The following JCAD variants were observed in gnomAD, a reference collection of about 807,000 sequenced individuals.
JCAD encodes junctional cadherin 5-associated protein.
Under a neutral mutation model 98.0 loss-of-function variants are expected in JCAD, and 40 were observed. That is an observed-to-expected ratio of 0.41 (90% CI 0.32 to 0.53). The LOEUF (loss-of-function observed/expected upper bound fraction) is 0.53, where lower values mean the gene tolerates loss of function less well. Among genes scored for constraint, JCAD ranks in the 20% least tolerant of loss-of-function variants. The pLI is 0.31. For synonymous variants in JCAD, 691 were observed against 682.3 expected, an observed-to-expected ratio of 1.01 and a Z score of -0.20; for missense variants, 1,705 against 1,738.1, an observed-to-expected ratio of 0.98 and a Z score of 0.34.
At chr10:30,097,580 T>C (rs1033429721) in intron 1 of JCAD, among the ~76,000 whole-genome samples, 2 of 152,014 alleles carry the variant, frequency 1.3e-5, no homozygotes, top group Admixed American at 6.6e-5. Context: ...AAACCCTGCA[T>C]CTACTAAAAA....
In JCAD at chr10:30,105,713, T is replaced by G. The variant is rs977309958; in HGVS notation, n.128+9654A>C. On this transcript the variant is annotated intron_variant and non_coding_transcript_variant, in intron 1 of 2. Transcript: ENST00000465712. ...AATTTTCATATTAGTTTCAGAAAAT[T>G]AAGAATCAGAAAAATAAGGCTATTG... Among the ~76,000 whole-genome samples the G allele has an allele frequency of 5.9e-5, 9 of 152,164 alleles. No homozygotes were observed. In the East Asian group the frequency reaches 1.7e-3, roughly 29 times the overall value.
At chr10:30,053,534 G>C (rs949226594) in intron 1 of JCAD, among the ~76,000 whole-genome samples, 1 of 150,436 alleles carries the variant, frequency 6.6e-6, no homozygotes, top group Non-Finnish European at 1.5e-5. Flanking sequence ...ACTCCAGCCT[G>C]GGTGACAGAG....
intron 1 of JCAD, among the ~76,000 whole-genome samples, chr10:30,057,044 G>A (rs774466639): frequency 6.6e-6 from 1 of 152,180 alleles, no homozygotes; most frequent in Non-Finnish European, 1.5e-5. Context: ...AAAAACCCAA[G>A]TAAACTGCAG....
At position 30,027,287 on chromosome 10, in the gene JCAD, G is replaced by A; in HGVS notation, c.2861C>T (p.Ala954Val). ...PFCSADGSTS[A>V]EKRHLEVSNG... Reference sequence around the variant, plus strand: ...GCTAACCTCCAGGTGTCTCTTCTCTGCACTCGTGCTTCCATCTGCTGAGCA... The same window carrying A: ...GCTAACCTCCAGGTGTCTCTTCTCTACACTCGTGCTTCCATCTGCTGAGCA... Residue 954 changes from alanine to valine, a missense_variant, in exon 3 of 4, where the codon GCA becomes GTA. This residue lies in a region of JCAD where 1,278 missense variants were observed against 1,243.1 expected (regional missense o/e 1.03). Transcript: ENST00000375377. 1 of 1,614,134 alleles carries A rather than the reference G, an allele frequency of 6.2e-7. No homozygotes were observed. Among genetic ancestry groups the A allele is most frequent in the South Asian group, 1.1e-5 (1 of 91,082 alleles).
intron 1 of JCAD, among the ~76,000 whole-genome samples, chr10:30,096,552 G>T (rs1205280832): frequency 6.6e-6 from 1 of 151,190 alleles, no homozygotes; most frequent in Admixed American, 6.6e-5. Context: ...TCTTCGATCT[G>T]TATCTTCTTA....
intron 3 of JCAD, among the ~76,000 whole-genome samples, chr10:30,022,786 A>G (rs1836691320): frequency 6.6e-6 from 1 of 152,236 alleles, no homozygotes; most frequent in Admixed American, 6.5e-5. Context: ...CTGAAACATT[A>G]CTGTCATCTA....
chr10:30,041,928 A>G (rs1044109090), intron 2 of JCAD, among the ~76,000 whole-genome samples: 3 of 152,172 alleles, frequency 2.0e-5, no homozygotes, highest in African/African-American at 7.2e-5. Flanking sequence ...AGTTTCCTCC[A>G]TGTGCAGATA....
At chr10:30,031,170 C>T (rs574460887) in intron 2 of JCAD, among the ~76,000 whole-genome samples, 16 of 152,194 alleles carry the variant, frequency 1.1e-4, no homozygotes, top group Admixed American at 9.8e-4. Flanking sequence ...CTCTATCACC[C>T]AGGCTAGGTG....
chr10:30,092,325 G>T (rs1838297804), intron 1 of JCAD, among the ~76,000 whole-genome samples: 1 of 151,264 alleles, frequency 6.6e-6, no homozygotes, highest in African/African-American at 2.4e-5. Context: ...GTGGCAGGAA[G>T]GACTGAGGAC....
chr10:30,109,603 C>T (rs1838651487), intron 1 of JCAD, among the ~76,000 whole-genome samples: 1 of 152,258 alleles, frequency 6.6e-6, no homozygotes, highest in Middle Eastern at 3.4e-3. Context: ...CTATCTCAAA[C>T]CTTGATTATC....
In JCAD at chr10:30,103,788, A is replaced by G. The variant is rs1270255909; in HGVS notation, n.128+11579T>C. On this transcript the variant is annotated intron_variant and non_coding_transcript_variant, in intron 1 of 2. Coordinates refer to the JCAD transcript ENST00000465712. ...GTGTTGTTGCCCAAGCTGGAGTGCA[A>G]TGACGCAATCTTGGCTCACTGCAAC... 4.0e-5 allele frequency among the ~76,000 whole-genome samples: 6 copies of G among 149,900 alleles called. No homozygotes were observed. The Admixed American group carries it at 4.0e-4, about 10-fold the overall frequency.
intron 1 of JCAD, among the ~76,000 whole-genome samples, chr10:30,104,898 G>A (rs1474764323): frequency 6.6e-6 from 1 of 152,162 alleles, no homozygotes; most frequent in Admixed American, 6.5e-5. Context: ...GCTCAATTCT[G>A]TTATTCACAT....
At chr10:30,025,633 A>C (rs1836774232) in intron 3 of JCAD, among the ~76,000 whole-genome samples, 1 of 144,792 alleles carries the variant, frequency 6.9e-6, no homozygotes. Context: ...TATGATGTGG[A>C]TCTTTTGACA....
intron 1 of JCAD, among the ~76,000 whole-genome samples, chr10:30,086,171 G>C (rs984625222): frequency 3.0e-4 from 46 of 151,826 alleles, no homozygotes; most frequent in African/African-American, 1.0e-3. Context: ...CCTAAAAAAA[G>C]GAACATGTAC....
intron 1 of JCAD, among the ~76,000 whole-genome samples, chr10:30,071,561 T>C (rs769115003): frequency 2.0e-5 from 3 of 152,084 alleles, no homozygotes; most frequent in Non-Finnish European, 2.9e-5. Context: ...TCCCAGCACT[T>C]TGGGAGGCCG....
At position 30,017,043 on chromosome 10, in the gene JCAD, T is replaced by C. The variant is rs1836549400; in HGVS notation, c.*840A>G. 1.3e-5 allele frequency: 2 copies of C among 152,208 alleles called. No homozygotes were observed. The highest frequency in any genetic ancestry group is 4.8e-5 in the African/African-American group (2 of 41,450). The allele number at this position is 152,208 out of a possible 1,614,324, so 9.4% of individuals were successfully genotyped here. A position where few individuals can be genotyped will look rare whatever the true frequency, so the allele number is the denominator to read the frequency against. On this transcript the variant is annotated 3_prime_UTR_variant, in exon 4 of 4. Coordinates refer to ENST00000375377, the MANE Select transcript of JCAD (RefSeq NM_020848.4). The stretch of plus-strand genomic sequence containing the variant: ...CCTTAAAAATCTGCCGCCTAACAAT[T>C]GTTTACATCATAGAAAAATAGCATT...
At position 30,100,278 on chromosome 10, in the gene JCAD, A is replaced by G. The variant is rs143080499; in HGVS notation, n.128+15089T>C. On this transcript the variant is annotated intron_variant and non_coding_transcript_variant, in intron 1 of 2. Transcript: ENST00000465712. ...AGGGTTGATATTCTTGGTGGAAATT[A>G]TGACTCTGTTTTGTTAACAAAGAGT... is the stretch of plus-strand genomic sequence containing the variant. 4.2e-3 allele frequency among the ~76,000 whole-genome samples: 641 copies of G among 152,368 alleles called. 4 individuals are homozygous for G. The highest frequency in any genetic ancestry group is 7.5e-3 in the Non-Finnish European group (508 of 68,038).
intron 1 of JCAD, among the ~76,000 whole-genome samples, chr10:30,090,562 G>A (rs1020888239): frequency 3.3e-5 from 5 of 150,470 alleles, no homozygotes; most frequent in African/African-American, 9.8e-5. Context: ...GGAAAGGAGA[G>A]GAGAGGGGAG....
intron 1 of JCAD, among the ~76,000 whole-genome samples, chr10:30,080,921 G>A (rs1029791160): frequency 2.0e-5 from 3 of 152,276 alleles, no homozygotes; most frequent in African/African-American, 7.2e-5. Context: ...GATGGCCCCC[G>A]AAGCCTCTTT....
Sources: allele counts gnomAD v4.1 joint callset (sites outside exome capture counted in the v4.1 genomes callset), GRCh38; gene constraint gnomAD v4.1.1; regional missense constraint gnomAD v4.1.1; transcripts MANE v1.5; gene names NCBI Gene and HGNC (gene_info 2026-07-23, HGNC 2026-07-21).